The following LARGE1 variants were observed in gnomAD, a reference collection of about 807,000 sequenced individuals.
LARGE1 encodes the protein xylosyl- and glucuronyltransferase LARGE1.
A neutral mutation model predicts 87.6 loss-of-function variants in LARGE1; 43 were observed. The observed-to-expected ratio is 0.49, with a 90% confidence interval of 0.38 to 0.63. The LOEUF (loss-of-function observed/expected upper bound fraction) is 0.63. Ranked by LOEUF, LARGE1 falls within the 30% of genes least tolerant of loss-of-function variation. The pLI is 0.00. For missense variants in LARGE1, 802 were observed against 1,000.2 expected (o/e 0.80, Z 2.67); for synonymous variants, 434 against 394.6 (o/e 1.10, Z -1.18).
At chr22:33,639,458 T>C (rs562909998) in intron 3 of LARGE1, among the ~76,000 whole-genome samples, 10 of 152,284 alleles carry the variant, frequency 6.6e-5, no homozygotes, top group East Asian at 1.9e-4. Context: ...AGTGGAGAAG[T>C]TGAATATTCA....
At chr22:33,847,369 T>C (rs1219543584) in intron 1 of LARGE1, among the ~76,000 whole-genome samples, 7 of 152,386 alleles carry the variant, frequency 4.6e-5, no homozygotes, top group South Asian at 2.1e-4. Flanking sequence ...TACACAAATA[T>C]AGAATATTAG....
intron 1 of LARGE1, among the ~76,000 whole-genome samples, chr22:33,763,633 TG>T (rs1487799703): frequency 6.6e-6 from 1 of 152,172 alleles, no homozygotes; most frequent in Admixed American, 6.5e-5. Context: ...TGCACTTGAC[TG>T]GCTGTGACCT....
intron 6 of LARGE1, among the ~76,000 whole-genome samples, chr22:33,556,564 G>GAGGGAGGC (rs2077692198): frequency 1.7e-5 from 1 of 59,904 alleles, no homozygotes; most frequent in Non-Finnish European, 4.0e-5. Flanking sequence ...GGGAGGGAGG[G>GAGGGAGGC]AGGCAGGCAG....
chr22:33,653,385 A>T (rs2080874765), intron 2 of LARGE1, among the ~76,000 whole-genome samples: 1 of 152,202 alleles, frequency 6.6e-6, no homozygotes, highest in Non-Finnish European at 1.5e-5. Flanking sequence ...ATATGTGCTA[A>T]GTTAGAGGTA....
In LARGE1 at chr22:33,205,995, T is replaced by C. The variant is rs562183163; in HGVS notation, c.1731-39163A>G. Among the ~76,000 whole-genome samples the C allele has an allele frequency of 6.9e-5, 10 of 144,564 alleles. No individual in the cohort carries two copies. The South Asian group carries it at 2.3e-3, about 33-fold the overall frequency. The allele number at this position is 144,564 out of a possible 152,430, so 94.8% of individuals were successfully genotyped here. A position where few individuals can be genotyped will look rare whatever the true frequency, so the allele number is the denominator to read the frequency against. ...TGTGAGAGGGAATCTCGCTCTGTTG[T>C]CCAGGCTGGAGTGCAGTGGCGCGAT... On this transcript the variant is annotated intron_variant, in intron 11 of 11. Coordinates refer to the LARGE1 transcript ENST00000608642.
At chr22:33,854,212 GAAAAAAAAAAAAAA>G (rs67771177) in intron 1 of LARGE1, among the ~76,000 whole-genome samples, 8 of 72,694 alleles carry the variant, frequency 1.1e-4, no homozygotes, top group South Asian at 1.1e-3. Flanking sequence ...CACTTAAGGG[GAAAAAAAAAAAAAA>G]AAAAAAAAAA....
intron 1 of LARGE1, among the ~76,000 whole-genome samples, chr22:33,812,039 C>T (rs564709385): frequency 6.6e-6 from 1 of 152,314 alleles, no homozygotes; most frequent in East Asian, 1.9e-4. Context: ...GAGATTTCCA[C>T]CTTGGGTATA....
chr22:33,792,937 T>C (rs2085867617), intron 1 of LARGE1, among the ~76,000 whole-genome samples: 1 of 152,142 alleles, frequency 6.6e-6, no homozygotes, highest in Non-Finnish European at 1.5e-5. Flanking sequence ...ACACTGACAT[T>C]GAGCACCTCT....
chr22:33,384,213 G>C lies in LARGE1; in HGVS notation c.984C>G (p.Leu328=), dbSNP rs577299762. Residue 328 remains leucine (L), a synonymous_variant, in exon 8 of 15, where the codon CTC becomes CTG. Coordinates refer to ENST00000397394, the MANE Select transcript of LARGE1 (RefSeq NM_133642.5). ...TCACCTGGTCAGCTAAGGATGTAGA[G>C]AGCATGCCCATGAGCTCCCTCTCTG... The part of the protein sequence containing the change: ...LTAERELMGM[L]STSLADQDIF... 1.5e-5 allele frequency: 25 copies of C among 1,613,958 alleles called. No homozygotes were observed. The highest frequency in any genetic ancestry group is 1.2e-4 in the Admixed American group (7 of 60,022).
chr22:33,656,719 C>T (rs921516583), intron 2 of LARGE1, among the ~76,000 whole-genome samples: 30 of 151,234 alleles, frequency 2.0e-4, no homozygotes, highest in African/African-American at 6.8e-4. Context: ...TGTTGATCTG[C>T]GGTTCAGCCC....
intron 6 of LARGE1, among the ~76,000 whole-genome samples, chr22:33,438,858 T>C (rs893491190): frequency 6.6e-6 from 1 of 152,184 alleles, no homozygotes. Flanking sequence ...TTCCTTATCA[T>C]AAAAGGTTAA....
At chr22:33,416,643 G>A (rs1487702718) in intron 7 of LARGE1, among the ~76,000 whole-genome samples, 2 of 151,754 alleles carry the variant, frequency 1.3e-5, no homozygotes, top group Non-Finnish European at 2.9e-5. Context: ...TCGCATTGTC[G>A]CCCAGCCTGG....
At chr22:33,368,841 A>G (rs1055401440) in intron 9 of LARGE1, among the ~76,000 whole-genome samples, 1 of 152,196 alleles carries the variant, frequency 6.6e-6, no homozygotes, top group Non-Finnish European at 1.5e-5. Context: ...ATGTCTAAAA[A>G]AATACGTACT....
intron 1 of LARGE1, among the ~76,000 whole-genome samples, chr22:33,838,045 T>C (rs760782147): frequency 9.2e-5 from 14 of 152,230 alleles, no homozygotes; most frequent in Non-Finnish European, 1.8e-4. Flanking sequence ...CATGGTTGTG[T>C]GCCAAGAAAA....
At chr22:33,344,169 C>T (rs1471054988) in intron 9 of LARGE1, among the ~76,000 whole-genome samples, 2 of 152,230 alleles carry the variant, frequency 1.3e-5, no homozygotes, top group East Asian at 3.8e-4. Context: ...ACAGACACAC[C>T]TGGGATCAAT....
intron 12 of LARGE1, among the ~76,000 whole-genome samples, chr22:33,299,461 G>C (rs1297427969): frequency 2.6e-5 from 4 of 152,130 alleles, no homozygotes; most frequent in Non-Finnish European, 5.9e-5. Context: ...GTTTTTGAAA[G>C]AATGAGTAGT....
At chr22:33,327,128 C>G (rs1332980241) in intron 10 of LARGE1, among the ~76,000 whole-genome samples, 3 of 152,172 alleles carry the variant, frequency 2.0e-5, no homozygotes, top group Non-Finnish European at 2.9e-5. Flanking sequence ...ACAGCTGTTT[C>G]CACAGAGCCA....
At chr22:33,480,713 T>G (rs150346216) in intron 6 of LARGE1, among the ~76,000 whole-genome samples, 3 of 152,070 alleles carry the variant, frequency 2.0e-5, no homozygotes, top group African/African-American at 7.2e-5. Flanking sequence ...ACAAAAAGAG[T>G]AAGTTACTTG....
intron 6 of LARGE1, among the ~76,000 whole-genome samples, chr22:33,473,027 T>C (rs553224720): frequency 6.6e-6 from 1 of 152,236 alleles, no homozygotes; most frequent in East Asian, 1.9e-4. Flanking sequence ...GACTGAGGGG[T>C]TTCCTGAATG....
Sources: allele counts gnomAD v4.1 joint callset (sites outside exome capture counted in the v4.1 genomes callset), GRCh38; gene constraint gnomAD v4.1.1; transcripts MANE v1.5; gene names NCBI Gene and HGNC (gene_info 2026-07-23, HGNC 2026-07-21).